The following CLYBL variants were observed in gnomAD, a reference collection of about 807,000 sequenced individuals.
The protein encoded by CLYBL is citramalyl-CoA lyase, mitochondrial.
Under a neutral mutation model 38.9 loss-of-function variants are expected in CLYBL, and 31 were observed. That is an observed-to-expected ratio of 0.80 (90% CI 0.60 to 1.08). The LOEUF is 1.08. Ranked by LOEUF, CLYBL falls within the 50% of genes least tolerant of loss-of-function variation. The pLI is 0.00. For synonymous variants in CLYBL, 171 were observed against 158.6 expected, an observed-to-expected ratio of 1.08 and a Z score of -0.59; for missense variants, 434 against 411.6, an observed-to-expected ratio of 1.05 and a Z score of -0.47.
intron 1 of CLYBL, among the ~76,000 whole-genome samples, chr13:99,638,460 A>G (rs1269105869): frequency 1.3e-5 from 2 of 152,244 alleles, no homozygotes; most frequent in African/African-American, 4.8e-5. Context: ...TTACAACATC[A>G]TCTGAACAAA....
chr13:99,726,961 C>G (rs2048484961), intron 1 of CLYBL, among the ~76,000 whole-genome samples: 1 of 152,018 alleles, frequency 6.6e-6, no homozygotes, highest in Non-Finnish European at 1.5e-5. Context: ...GAGTTCGAGA[C>G]CAGCCTGGAC....
At chr13:99,706,517 C>T (rs960510662) in intron 1 of CLYBL, among the ~76,000 whole-genome samples, 2 of 152,104 alleles carry the variant, frequency 1.3e-5, no homozygotes, top group Admixed American at 6.5e-5. Flanking sequence ...TTATCGGTGC[C>T]CTGTTTTTCT....
chr13:99,726,030 A>G (rs929579417), intron 1 of CLYBL, among the ~76,000 whole-genome samples: 3 of 151,996 alleles, frequency 2.0e-5, no homozygotes, highest in African/African-American at 7.3e-5. Flanking sequence ...TCATGAATGT[A>G]TACATCTAAT....
At chr13:99,655,080 CT>C (rs561111559) in intron 1 of CLYBL, among the ~76,000 whole-genome samples, 499 of 142,460 alleles carry the variant, frequency 3.5e-3, no homozygotes, top group Non-Finnish European at 3.3e-3. Flanking sequence ...GCATTTCTTT[CT>C]TTTTTTTTTT....
At chr13:99,691,202 G>A (rs752912966) in intron 1 of CLYBL, among the ~76,000 whole-genome samples, 18 of 152,128 alleles carry the variant, frequency 1.2e-4, no homozygotes, top group Admixed American at 3.3e-4. Context: ...GCTTTCCAAT[G>A]AACTGAAACA....
chr13:99,862,024 G>C (rs1443276645), intron 3 of CLYBL, among the ~76,000 whole-genome samples: 1 of 152,102 alleles, frequency 6.6e-6, no homozygotes, highest in African/African-American at 2.4e-5. Context: ...AACCCCCTTT[G>C]AAGATGAAAA....
downstream of CLYBL, chr13:99,895,709 C>G (rs2052567264): frequency 6.6e-6 from 1 of 152,154 alleles, no homozygotes; most frequent in Non-Finnish European, 1.5e-5. Flanking sequence ...CAGCATATCG[C>G]CTTCCGAGTC....
intron 2 of CLYBL, among the ~76,000 whole-genome samples, chr13:99,799,290 C>G (rs914167790): frequency 9.9e-5 from 15 of 151,944 alleles, no homozygotes; most frequent in African/African-American, 2.9e-4. Context: ...ACTTCAAACA[C>G]TTCAGAAAGA....
intron 1 of CLYBL, among the ~76,000 whole-genome samples, chr13:99,657,021 A>C (rs1418423010): frequency 1.3e-5 from 2 of 152,224 alleles, no homozygotes; most frequent in African/African-American, 2.4e-5. Context: ...ACTAAAATGG[A>C]TTCTGCTCCT....
intron 1 of CLYBL, among the ~76,000 whole-genome samples, chr13:99,628,061 G>A (rs1269819343): frequency 1.3e-5 from 2 of 152,118 alleles, no homozygotes; most frequent in East Asian, 1.9e-4. Context: ...AAAACCCATC[G>A]GAACATTTTT....
intron 1 of CLYBL, among the ~76,000 whole-genome samples, chr13:99,643,982 G>A (rs1263016242): frequency 6.8e-6 from 1 of 146,970 alleles, no homozygotes; most frequent in African/African-American, 2.5e-5. Flanking sequence ...TCCAGCCTGG[G>A]CGACAGAACA....
In CLYBL at chr13:99,630,293, T is replaced by TA. The variant is rs534331042; in HGVS notation, c.62+23544dup. ...ATGCCTCTTTCAAATCCATTCCTTT[T>TA]AAAAAAAATCCTCTTTTCTGTTTAT... On this transcript the variant is annotated intron_variant, in intron 1 of 8. Coordinates refer to ENST00000339105, the MANE Select transcript of CLYBL (RefSeq NM_206808.5). 1.9e-3 allele frequency among the ~76,000 whole-genome samples: 283 copies of TA among 152,206 alleles called. 1 individual carries two copies. Among genetic ancestry groups the TA allele is most frequent in the Non-Finnish European group, 2.5e-3 (167 of 67,980 alleles).
At chr13:99,644,671 AC>A (rs1260919416) in intron 1 of CLYBL, among the ~76,000 whole-genome samples, 1 of 152,022 alleles carries the variant, frequency 6.6e-6, no homozygotes, top group African/African-American at 2.4e-5. Context: ...CTACCCCACT[AC>A]CCTTCCCAGC....
chr13:99,632,804 T>C (rs2046964461), intron 1 of CLYBL, among the ~76,000 whole-genome samples: 1 of 151,100 alleles, frequency 6.6e-6, no homozygotes, highest in South Asian at 2.1e-4. Flanking sequence ...GGGAAAAAAG[T>C]AGATAATAGA....
At chr13:99,737,122 T>C (rs2048680515) in intron 1 of CLYBL, among the ~76,000 whole-genome samples, 2 of 145,824 alleles carry the variant, frequency 1.4e-5, no homozygotes, top group South Asian at 4.3e-4. Context: ...TTCTGAAGAA[T>C]ATGGGGGGCA....
intron 1 of CLYBL, among the ~76,000 whole-genome samples, chr13:99,662,460 G>A (rs192946377): frequency 4.1e-5 from 6 of 146,488 alleles, no homozygotes; most frequent in Middle Eastern, 7.0e-3. Context: ...GTTCTATTTC[G>A]TTGAATTTAT....
intron 2 of CLYBL, among the ~76,000 whole-genome samples, chr13:99,825,764 G>T (rs1222393148): frequency 6.6e-6 from 1 of 152,214 alleles, no homozygotes; most frequent in Non-Finnish European, 1.5e-5. Context: ...GGGCAGGTGG[G>T]CGGCACAGAT....
intron 1 of CLYBL, among the ~76,000 whole-genome samples, chr13:99,626,756 TCAAA>T (rs895497540): frequency 1.8e-4 from 27 of 152,156 alleles, no homozygotes; most frequent in African/African-American, 6.0e-4. Flanking sequence ...ATGAGAAACT[TCAAA>T]CAGTTTAAAT....
chr13:99,723,598 T>A (rs919954626), intron 1 of CLYBL, among the ~76,000 whole-genome samples: 5 of 152,216 alleles, frequency 3.3e-5, no homozygotes, highest in African/African-American at 1.2e-4. Flanking sequence ...CTCTGGAAAT[T>A]TCTTGAGGCC....
Sources: allele counts gnomAD v4.1 joint callset (sites outside exome capture counted in the v4.1 genomes callset), GRCh38; gene constraint gnomAD v4.1.1; transcripts MANE v1.5; gene names NCBI Gene and HGNC (gene_info 2026-07-23, HGNC 2026-07-21).